Variants in PDE10A observed in about 807,000 individuals in gnomAD.
PDE10A encodes phosphodiesterase 10A, also known as cAMP and cAMP-inhibited cGMP 3',5'-cyclic phosphodiesterase 10A.
A neutral mutation model predicts 97.7 loss-of-function variants in PDE10A; 39 were observed. The observed-to-expected ratio is 0.40, with a 90% confidence interval of 0.31 to 0.52. The LOEUF is 0.52. Ranked by LOEUF, PDE10A falls within the 20% of genes least tolerant of loss-of-function variation. The pLI, the probability that PDE10A is intolerant of heterozygous loss-of-function variation, is 0.56. For missense variants in PDE10A, 731 were observed against 1,047.8 expected, an observed-to-expected ratio of 0.70 and a Z score of 4.17; for synonymous variants, 371 against 376.8, an observed-to-expected ratio of 0.98 and a Z score of 0.18.
At chr6:165,372,796 G>A (rs1784350535) in intron 18 of PDE10A, among the ~76,000 whole-genome samples, 1 of 144,274 alleles carries the variant, frequency 6.9e-6, no homozygotes, top group Non-Finnish European at 1.5e-5. Context: ...AAAGAACAAA[G>A]CTGGAGGCAT....
At chr6:165,539,237 T>A (rs1783277600) in intron 2 of PDE10A, among the ~76,000 whole-genome samples, 1 of 152,196 alleles carries the variant, frequency 6.6e-6, no homozygotes, top group South Asian at 2.1e-4. Flanking sequence ...CTCTCAACTG[T>A]AGATAGAATT....
intron 1 of PDE10A, among the ~76,000 whole-genome samples, chr6:165,953,943 C>T (rs891079943): frequency 6.6e-6 from 1 of 152,202 alleles, no homozygotes. Flanking sequence ...CGAGCCCCGG[C>T]AACCACTGAT....
At position 165,677,756 on chromosome 6, in the gene PDE10A, AT is replaced by A. The variant is rs1790840138; in HGVS notation, c.-614-134189del. Among the ~76,000 whole-genome samples the A allele has an allele frequency of 2.0e-5, 3 of 152,092 alleles. No individual in the cohort carries two copies. The South Asian group carries it at 6.2e-4, about 32-fold the overall frequency. On this transcript the variant is annotated intron_variant, in intron 1 of 19. Transcript: ENST00000366882. Reference sequence around the variant, plus strand: ...TGTATATATGTGCATTTGTGTTCATATGCGTAATGTGTTTGTGTGTGTGTGT... The same window carrying A: ...TGTATATATGTGCATTTGTGTTCATAGCGTAATGTGTTTGTGTGTGTGTGT...
At chr6:165,947,563 G>A (rs167267) in intron 1 of PDE10A, among the ~76,000 whole-genome samples, 41,067 of 152,040 alleles carry the variant, frequency 0.27, 6,252 homozygotes, top group African/African-American at 0.4. Context: ...TGGAAAGAGA[G>A]GGTAAATAAT....
intron 1 of PDE10A, among the ~76,000 whole-genome samples, chr6:165,931,325 A>G (rs76399508): frequency 0.045 from 6,837 of 152,316 alleles, 225 homozygotes; most frequent in Middle Eastern, 0.075. Context: ...TAGATACCAC[A>G]TCTGTCTACA....
intron 12 of PDE10A, among the ~76,000 whole-genome samples, chr6:165,415,619 G>A (rs1452889010): frequency 6.6e-6 from 1 of 152,082 alleles, no homozygotes; most frequent in East Asian, 1.9e-4. Flanking sequence ...TTTGGGTCAG[G>A]TAAATTTTCC....
intron 1 of PDE10A, among the ~76,000 whole-genome samples, chr6:165,925,035 T>C (rs1352546900): frequency 6.6e-6 from 1 of 152,184 alleles, no homozygotes; most frequent in African/African-American, 2.4e-5. Flanking sequence ...GTCTTGAATC[T>C]AGAACCTATA....
intron 17 of PDE10A, among the ~76,000 whole-genome samples, chr6:165,386,204 T>G (rs1223798432): frequency 6.6e-6 from 1 of 152,168 alleles, no homozygotes; most frequent in Admixed American, 6.5e-5. Context: ...CCATTTTTGA[T>G]GGCAGCAACT....
intron 1 of PDE10A, among the ~76,000 whole-genome samples, chr6:165,947,474 T>C (rs754204142): frequency 6.6e-6 from 1 of 152,196 alleles, no homozygotes; most frequent in Non-Finnish European, 1.5e-5. Flanking sequence ...TTCTATATTA[T>C]TGATGGCCTT....
Position 165,331,516 on chromosome 6 carries a change from AG to A in PDE10A, c.*1508del, listed in dbSNP as rs1265087484. ...ACGCCTATGGTGGTAAATATGTAGAAGCATATTTTTCCATTTTATTAAAAGC... is the reference window on the plus strand; with the variant it reads ...ACGCCTATGGTGGTAAATATGTAGAACATATTTTTCCATTTTATTAAAAGC... On this transcript the variant is annotated 3_prime_UTR_variant, in exon 22 of 22. Transcript: ENST00000539869. The A allele has an allele frequency of 1.1e-4, 17 of 152,200 alleles. No homozygotes were observed. Among genetic ancestry groups the A allele is most frequent in the African/African-American group, 3.9e-4 (16 of 41,442 alleles). 9.4% of individuals were successfully genotyped at this position (152,200 alleles called of 1,614,324 possible).
intron 5 of PDE10A, among the ~76,000 whole-genome samples, chr6:165,438,593 T>G (rs1233239420): frequency 6.6e-6 from 1 of 152,210 alleles, no homozygotes; most frequent in Non-Finnish European, 1.5e-5. Flanking sequence ...TACAGTACAT[T>G]TTATGACTTG....
chr6:165,546,719 C>T (rs1271424445), intron 1 of PDE10A, among the ~76,000 whole-genome samples: 1 of 152,000 alleles, frequency 6.6e-6, no homozygotes, highest in Non-Finnish European at 1.5e-5. Context: ...CAAGATTTCT[C>T]AATGGTAGAG....
chr6:165,391,115 T>C (rs1785682140), intron 16 of PDE10A, among the ~76,000 whole-genome samples: 1 of 152,186 alleles, frequency 6.6e-6, no homozygotes, highest in African/African-American at 2.4e-5. Context: ...GAATCATACA[T>C]CTGAAAATAA....
At chr6:165,981,722 A>T (rs75527101) in intron 1 of PDE10A, among the ~76,000 whole-genome samples, 4,675 of 152,330 alleles carry the variant, frequency 0.031, 215 homozygotes, top group African/African-American at 0.1. Flanking sequence ...CACCTTTGCC[A>T]TCAAACTTCT....
At chr6:165,382,675 G>A (rs539059160) in intron 17 of PDE10A, among the ~76,000 whole-genome samples, 1 of 151,942 alleles carries the variant, frequency 6.6e-6, no homozygotes, top group Non-Finnish European at 1.5e-5. Flanking sequence ...AAATATTTAA[G>A]TTTCTGGTTC....
At chr6:165,943,363 A>AAAGAAAGAAAGAAAGAAAGGG (rs767611369) in intron 1 of PDE10A, among the ~76,000 whole-genome samples, 1 of 143,864 alleles carries the variant, frequency 7.0e-6, no homozygotes, top group Non-Finnish European at 1.5e-5. Flanking sequence ...AAAGAAAGAG[A>AAAGAAAGAAAGAAAGAAAGGG]AAGAAAGAAA....
At chr6:165,956,822 T>C (rs1784147548) in intron 1 of PDE10A, among the ~76,000 whole-genome samples, 1 of 152,322 alleles carries the variant, frequency 6.6e-6, no homozygotes, top group Admixed American at 6.5e-5. Context: ...GCAAGTGGGA[T>C]CTTAAGACCT....
At chr6:165,592,397 A>G (rs1786329777) in intron 1 of PDE10A, among the ~76,000 whole-genome samples, 1 of 152,248 alleles carries the variant, frequency 6.6e-6, no homozygotes, top group African/African-American at 2.4e-5. Flanking sequence ...ATAAGCTAAG[A>G]CTTCATGATT....
chr6:165,877,967 G>A (rs1422071272), intron 1 of PDE10A, among the ~76,000 whole-genome samples: 1 of 152,104 alleles, frequency 6.6e-6, no homozygotes. Flanking sequence ...ATAAAAACAC[G>A]GGTCTTTCCA....
Sources: gnomAD v4.1 joint callset for allele counts (sites outside exome capture counted in the v4.1 genomes callset) on GRCh38, gnomAD v4.1.1 for gene constraint, MANE v1.5 for transcripts, NCBI Gene and HGNC (gene_info 2026-07-23, HGNC 2026-07-21) for gene names.